Variants in SCAMP4 observed in about 807,000 individuals in gnomAD.
The protein encoded by SCAMP4 is secretory carrier membrane protein 4.
SCAMP4 carries 19 observed loss-of-function variants against 32.1 expected under a neutral mutation model. The ratio of observed to expected loss-of-function variants is 0.59; its 90% confidence interval spans 0.41 to 0.87. The LOEUF is 0.87. Ranked by LOEUF, SCAMP4 falls within the 40% of genes least tolerant of loss-of-function variation. The pLI is 0.00. For synonymous variants in SCAMP4, 152 were observed against 132.7 expected (o/e 1.15, Z -1.00); for missense variants, 302 against 309.0 (o/e 0.98, Z 0.17).
chr19:1,918,137 C>T lies in SCAMP4; in HGVS notation c.147C>T (p.Ala49=). 2 of 1,611,244 alleles carry T rather than the reference C, an allele frequency of 1.2e-6. No homozygotes were observed. The highest frequency in any genetic ancestry group is 8.5e-7 in the Non-Finnish European group (1 of 1,178,730). Residue 49 remains alanine, a synonymous_variant, in exon 4 of 7, where the codon GCC becomes GCT. Transcript: ENST00000316097. ...RIYRLWMFYC[A]TLGVNLIACL... is the part of the protein sequence containing the mutation. ...CCTCTCTCTTCGCAGTTTACTGCGC[C>T]ACCCTCGGCGTCAACCTCATTGCCT...
At chr19:1,913,054 G>C (rs772168050) in intron 1 of SCAMP4, 6 of 1,603,250 alleles carry the variant, frequency 3.7e-6, no homozygotes, top group Non-Finnish European at 5.1e-6. Context: ...CTGGGCACCC[G>C]CTTCCGCATC....
chr19:1,909,693 C>CA (rs2013334791), intron 1 of SCAMP4, among the ~76,000 whole-genome samples: 1 of 152,192 alleles, frequency 6.6e-6, no homozygotes, highest in African/African-American at 2.4e-5. Flanking sequence ...GCCCGGCAGT[C>CA]AGGGATGTTA....
At chr19:1,918,364 G>A (rs1462549537) in intron 4 of SCAMP4, 81 bp downstream of exon 4, 2 of 1,390,300 alleles carry the variant, frequency 1.4e-6, no homozygotes, top group Non-Finnish European at 9.5e-7. Context: ...CCAGCTGTGA[G>A]GAGCTGTCCC....
Position 1,924,811 on chromosome 19 carries a change from T to G in SCAMP4, c.*527T>G, listed in dbSNP as rs562576050. 47 of 175,434 alleles carry G rather than the reference T, an allele frequency of 2.7e-4. No homozygotes were observed. Among genetic ancestry groups the G allele is most frequent in the Non-Finnish European group, 4.6e-4 (37 of 80,048 alleles). 10.9% of individuals were successfully genotyped at this position (175,434 alleles called of 1,614,324 possible). ...AGTGATAGAGGGCTTGGTGCCTAGC[T>G]GAGTCCTCGCTGTCCCCGCCATCCC... On this transcript the variant is annotated 3_prime_UTR_variant, in exon 7 of 7. Transcript: ENST00000316097.
chr19:1,907,761 G>A (rs1304791310), intron 1 of SCAMP4, among the ~76,000 whole-genome samples: 1 of 152,122 alleles, frequency 6.6e-6, no homozygotes, highest in East Asian at 1.9e-4. Context: ...CCCAGTGGTC[G>A]GTCGCCTGCC....
intron 5 of SCAMP4, chr19:1,919,331 A>C: frequency 8.5e-7 from 1 of 1,179,640 alleles, no homozygotes; most frequent in Admixed American, 3.8e-5. Flanking sequence ...CTGGCTGCTG[A>C]TGTTTCTGCA....
chr19:1,915,291 C>T (rs2013694263), intron 2 of SCAMP4: 3 of 575,980 alleles, frequency 5.2e-6, no homozygotes, highest in South Asian at 2.0e-5. Flanking sequence ...ATCACAGCTG[C>T]TCTTTCCTTA....
At position 1,912,030 on chromosome 19, in the gene SCAMP4, G is replaced by A. The variant is rs372035809; in HGVS notation, c.-41-2949G>A. 11 of 1,415,690 alleles carry A rather than the reference G, an allele frequency of 7.8e-6. No homozygotes were observed. In the African/African-American group the frequency reaches 1.2e-4, roughly 15 times the overall value. 87.7% of individuals were successfully genotyped at this position (1,415,690 alleles called of 1,614,324 possible). On this transcript the variant is annotated intron_variant, in intron 1 of 6. Coordinates refer to ENST00000316097, the MANE Select transcript of SCAMP4 (RefSeq NM_079834.4). ...GGACGGACTCCCCGGCTCTCCCCCA[G>A]CCGCCCGCAGCCGCCGGATGATCCT...
At chr19:1,917,620 G>A in intron 2 of SCAMP4, 74 bp from the exon 3 acceptor site, 8 of 1,578,326 alleles carry the variant, frequency 5.1e-6, no homozygotes, top group Non-Finnish European at 6.9e-6. Context: ...CCCAGCCTTG[G>A]GTCGAAGGGA....
chr19:1,919,228 G>T, intron 5 of SCAMP4: 1 of 1,373,640 alleles, frequency 7.3e-7, no homozygotes, highest in Non-Finnish European at 9.4e-7. Context: ...GTCCGAGCTC[G>T]CCCTGGCAGT....
At chr19:1,915,217 C>T (rs1441403203) in intron 2 of SCAMP4, among the ~76,000 whole-genome samples, 191 bp downstream of exon 2, 2 of 152,214 alleles carry the variant, frequency 1.3e-5, no homozygotes, top group African/African-American at 4.8e-5. Flanking sequence ...GACAGCAGAG[C>T]CGCCTGTGTA....
chr19:1,914,049 G>T (rs1610104), intron 1 of SCAMP4, among the ~76,000 whole-genome samples: 136,737 of 152,128 alleles, frequency 0.9, 61,545 homozygotes, highest in African/African-American at 0.92. Flanking sequence ...GGAGGGTCCC[G>T]GATGGGGCCA....
intron 3 of SCAMP4, 96 bp downstream of exon 3, chr19:1,917,918 C>T: frequency 2.0e-6 from 3 of 1,526,362 alleles, no homozygotes; most frequent in South Asian, 2.4e-5. Flanking sequence ...CGGGGGCCCA[C>T]CGTCTACTGA....
At position 1,921,935 on chromosome 19, in the gene SCAMP4, C is replaced by T. The variant is rs375301232; in HGVS notation, c.396-1135C>T. ...CTTGCAGGGACGCGGCGGGGGGTAC[C>T]GCGTGTGCGTGCATATCACGCCCCG... On this transcript the variant is annotated intron_variant, in intron 5 of 6. Transcript: ENST00000316097. 829 of 985,484 alleles carry T rather than the reference C, an allele frequency of 8.4e-4. 3 individuals carry two copies. The highest frequency in any genetic ancestry group is 7.8e-3 in the African/African-American group (450 of 57,360). The allele number at this position is 985,484 out of a possible 1,614,324, so 61.0% of individuals were successfully genotyped here. A position where few individuals can be genotyped will look rare whatever the true frequency, so the allele number is the denominator to read the frequency against.
At position 1,922,515 on chromosome 19, in the gene SCAMP4, G is replaced by A. The variant is rs183249638; in HGVS notation, c.396-555G>A. On this transcript the variant is annotated intron_variant, in intron 5 of 6. Coordinates refer to ENST00000316097, the MANE Select transcript of SCAMP4 (RefSeq NM_079834.4). Reference sequence around the variant, plus strand: ...CTCCCAAAGTGCTGGGACGACAGGCGTAAGCCTCTGCGCCCGGCCTCCTCA... The same window carrying A: ...CTCCCAAAGTGCTGGGACGACAGGCATAAGCCTCTGCGCCCGGCCTCCTCA... 3.6e-5 allele frequency: 35 copies of A among 984,460 alleles called. No homozygotes were observed. The East Asian group carries it at 1.2e-3, about 35-fold the overall frequency. The allele number at this position is 984,460 out of a possible 1,614,324, so 61.0% of individuals were successfully genotyped here.
intron 1 of SCAMP4, chr19:1,911,803 A>AT: frequency 5.2e-6 from 2 of 386,410 alleles, no homozygotes; most frequent in Non-Finnish European, 9.1e-6. Context: ...ATAAAATAAA[A>AT]AAAAAAGAAA....
chr19:1,920,419 C>A, intron 5 of SCAMP4: 1 of 660,416 alleles, frequency 1.5e-6, no homozygotes, highest in Non-Finnish European at 1.9e-6. Flanking sequence ...CAGGGCCCCT[C>A]GATCTGCAGG....
At chr19:1,922,373 TACAG>T (rs2013945132) in intron 5 of SCAMP4, 1 of 715,080 alleles carries the variant, frequency 1.4e-6, no homozygotes, top group South Asian at 6.3e-5. Context: ...TAGCTGGGAT[TACAG>T]GCATGCGCCC....
Position 1,918,228 on chromosome 19 carries a change from C to T in SCAMP4, c.238C>T (p.Leu80=), listed in dbSNP as rs199884606. The change falls in exon 4 of 7, where the codon CTG becomes TTG. Residue 80 remains leucine, a synonymous_variant. Coordinates refer to ENST00000316097, the MANE Select transcript of SCAMP4 (RefSeq NM_079834.4). ...CGGCCTGGCCTTCGTGTGGCTGCTC[C>T]TGTTCACGCCTTGCGGCTACGTGTG... ...NFGLAFVWLL[L]FTPCGYVCWF... 37 of 1,610,938 alleles carry T rather than the reference C, an allele frequency of 2.3e-5. No individual in the cohort carries two copies. The African/African-American group carries it at 3.3e-4, about 14-fold the overall frequency.
Sources: allele counts gnomAD v4.1 joint callset (sites outside exome capture counted in the v4.1 genomes callset), GRCh38; gene constraint gnomAD v4.1.1; transcripts MANE v1.5; gene names NCBI Gene and HGNC (gene_info 2026-07-23, HGNC 2026-07-21).